TMC4: variants seen among roughly 807,000 people sequenced by gnomAD.
The protein encoded by TMC4 is transmembrane channel like 4.
Under a neutral mutation model 82.0 loss-of-function variants are expected in TMC4, and 70 were observed. That is an observed-to-expected ratio of 0.85 (90% CI 0.70 to 1.04). The LOEUF (loss-of-function observed/expected upper bound fraction) is 1.04. Ranked by LOEUF, TMC4 falls within the 50% of genes least tolerant of loss-of-function variation. The pLI is 0.00. For missense variants in TMC4, 879 were observed against 899.0 expected (o/e 0.98, Z 0.28); for synonymous variants, 446 against 406.0 (o/e 1.10, Z -1.18).
chr19:54,163,313 T>C lies in TMC4; in HGVS notation c.1278-154A>G, dbSNP rs1242372239. ...ATTTCTTTCTTTCTTTCTTTCTTTT[T>C]TTTTTTTTTTTTTTTGAGACAGGGT... On this transcript the variant is annotated intron_variant, in intron 8 of 14. Coordinates refer to ENST00000619895, the MANE Select transcript of TMC4 (RefSeq NM_144686.4). 3,656 of 606,414 alleles carry C rather than the reference T, an allele frequency of 6.0e-3. 4 individuals are homozygous for C. The highest frequency in any genetic ancestry group is 0.012 in the African/African-American group (542 of 46,972). The allele number at this position is 606,414 out of a possible 1,614,324, so 37.6% of individuals were successfully genotyped here.
At chr19:54,162,835 G>A (rs543437925) in intron 9 of TMC4, 65 bp from the exon 10 acceptor site, 1 of 1,530,322 alleles carries the variant, frequency 6.5e-7, no homozygotes, top group East Asian at 2.3e-5. Flanking sequence ...CCACGCGTCC[G>A]AGTCTCCACA....
chr19:54,166,239 C>T (rs948901757), intron 5 of TMC4, among the ~76,000 whole-genome samples: 3 of 144,506 alleles, frequency 2.1e-5, no homozygotes, highest in African/African-American at 7.7e-5. Flanking sequence ...ATTAGCCAGG[C>T]GTGGTGGTGC....
Position 54,171,911 on chromosome 19 carries a change from G to T in TMC4, c.252C>A (p.Ser84=). Residue 84 remains serine, a synonymous_variant, in exon 2 of 15, where the codon TCC becomes TCA. Coordinates refer to ENST00000619895, the MANE Select transcript of TMC4 (RefSeq NM_144686.4). ...TQTELQDPHP[S]RELPWPMQAR... ...CCTGCATGGGCCAGGGCAGTTCCCG[G>T]GAAGGGTGAGGGTCCTGCAGCTCTG... 1 of 1,612,830 alleles carries T rather than the reference G, an allele frequency of 6.2e-7. No individual in the cohort carries two copies. The highest frequency in any genetic ancestry group is 8.5e-7 in the Non-Finnish European group (1 of 1,179,330).
intron 2 of TMC4, among the ~76,000 whole-genome samples, chr19:54,170,962 C>T (rs951461128): frequency 4.6e-5 from 7 of 151,664 alleles, no homozygotes; most frequent in African/African-American, 1.2e-4. Flanking sequence ...TTACTCAGGC[C>T]GCAGTATAGT....
rs1372090666 is a variant in TMC4, at chr19:54,162,718, A to C, written c.1457T>G (p.Leu486Arg). The C allele has an allele frequency of 6.2e-7, 1 of 1,614,164 alleles. No individual in the cohort carries two copies. Among genetic ancestry groups the C allele is most frequent in the African/African-American group, 1.3e-5 (1 of 75,048 alleles). The stretch of plus-strand genomic sequence containing the variant: ...CAGCGCGACTGCCAAGACAGTCAGC[A>C]GATCAAAGAGCAGAAGTTTGTACAT... ...QEMYKLLLFD[L>R]LTVLAVALLI... Residue 486 changes from leucine to arginine, a missense_variant, in exon 10 of 15, where the codon CTG becomes CGG. Coordinates refer to ENST00000619895, the MANE Select transcript of TMC4 (RefSeq NM_144686.4).
In TMC4 at chr19:54,164,491, G is replaced by T. The variant is rs115877425; in HGVS notation, c.1056C>A (p.Leu352=). 5.6e-4 allele frequency: 897 copies of T among 1,613,700 alleles called. 2 individuals carry two copies. In the African/African-American group the frequency reaches 0.011, roughly 20 times the overall value. ...AGACGCCATAGAAGGCTGCCCCCAGGAGCGCGACCACCAGCAGGTTGAGCA... is the reference window on the plus strand; with the variant it reads ...AGACGCCATAGAAGGCTGCCCCCAGTAGCGCGACCACCAGCAGGTTGAGCA... ...RVLLNLLVVA[L]LGAAFYGVYW... Residue 352 remains leucine (L), a synonymous_variant, in exon 7 of 15, where the codon CTC becomes CTA. Coordinates refer to ENST00000619895, the MANE Select transcript of TMC4 (RefSeq NM_144686.4).
At chr19:54,164,787 C>A in intron 6 of TMC4, 186 bp from the exon 7 acceptor site, 1 of 749,708 alleles carries the variant, frequency 1.3e-6, no homozygotes, top group Non-Finnish European at 2.1e-6. Context: ...TACAGCCCCG[C>A]CCCTTCGCGG....
At chr19:54,168,095 G>C in intron 5 of TMC4, 76 bp downstream of exon 5, 1 of 1,470,760 alleles carries the variant, frequency 6.8e-7, no homozygotes, top group African/African-American at 1.4e-5. Flanking sequence ...TCTTGGGGAG[G>C]GGGTTTCTGC....
rs1568750158 is a variant in TMC4, at chr19:54,169,521, T to A, written c.433A>T (p.Arg145Trp). 1 of 1,603,284 alleles carries A rather than the reference T, an allele frequency of 6.2e-7. No homozygotes were observed. Among genetic ancestry groups the A allele is most frequent in the Non-Finnish European group, 8.5e-7 (1 of 1,174,184 alleles). ...CCAAACCCCACCGCACCCCCGATCC[T>A]CTTCAGTGTCCACGCCCAGGGCTGC... ...SLQPWAWTLKRIGGQFGAGTE... is the reference protein window; with the variant it reads ...SLQPWAWTLKWIGGQFGAGTE... Residue 145 changes from arginine to tryptophan, a missense_variant, in exon 3 of 15, where the codon AGG (arginine) becomes TGG (tryptophan). Arg to Trp is a moderately radical substitution (Grantham distance 101). Transcript: ENST00000619895.
chr19:54,167,227 G>T (rs781012837), intron 5 of TMC4, among the ~76,000 whole-genome samples: 1 of 152,042 alleles, frequency 6.6e-6, no homozygotes, highest in Non-Finnish European at 1.5e-5. Context: ...TTGCACCACT[G>T]CACGCTAGCC....
chr19:54,162,828 C>G (rs1459151033), intron 9 of TMC4, 58 bp from the exon 10 acceptor site: 1 of 1,536,434 alleles, frequency 6.5e-7, no homozygotes, highest in Non-Finnish European at 9.0e-7. Flanking sequence ...TGGAGGCCCA[C>G]GCGTCCGAGT....
chr19:54,162,652 A>G (rs1163907165), intron 10 of TMC4, 21 bp downstream of exon 10: 14 of 1,602,218 alleles, frequency 8.7e-6, no homozygotes, highest in Non-Finnish European at 1.2e-5. Flanking sequence ...GCGGGGCCAC[A>G]GCAAGGGGCG....
intron 11 of TMC4, 117 bp downstream of exon 11, chr19:54,161,985 C>A: frequency 1.1e-6 from 1 of 878,938 alleles, no homozygotes; most frequent in Non-Finnish European, 1.7e-6. Flanking sequence ...GTCCTCCAAC[C>A]CCCTCCTCTC....
At position 54,160,881 on chromosome 19, in the gene TMC4, G is replaced by C; in HGVS notation, c.1970C>G (p.Ser657Cys). The part of the protein sequence containing the change: ...QAFAVPLLLI[S>C]SILMAYTVAL... ...CCAGAAGTCTGGGCCGTCTCACCTGGAGATCAGCAGAAGGGGCACAGCAAA... is the reference window on the plus strand; with the variant it reads ...CCAGAAGTCTGGGCCGTCTCACCTGCAGATCAGCAGAAGGGGCACAGCAAA... The change falls in exon 13 of 15, where the codon TCC becomes TGC. Residue 657 changes from serine (S) to cysteine (C), a missense_variant. By Grantham distance (112) the Ser-to-Cys change is moderately radical (BLOSUM62 -1). Coordinates refer to ENST00000619895, the MANE Select transcript of TMC4 (RefSeq NM_144686.4). The C allele has an allele frequency of 6.2e-7, 1 of 1,614,046 alleles. No individual in the cohort carries two copies. Among genetic ancestry groups the C allele is most frequent in the South Asian group, 1.1e-5 (1 of 91,068 alleles).
rs1317346737 is a variant in TMC4 at position 54,169,035 on chromosome 19, TTTTC to T, written c.443-359_443-356del. ...ATTTTTTTTTTTTTCTTTTCTTTTC[TTTTC>T]TTTTTTTTTTTTGAGACGGAGTTTC... is the stretch of plus-strand genomic sequence containing the variant. On this transcript the variant is annotated intron_variant, in intron 3 of 14. Coordinates refer to ENST00000619895, the MANE Select transcript of TMC4 (RefSeq NM_144686.4). 2.2e-4 allele frequency among the ~76,000 whole-genome samples: 11 copies of T among 51,128 alleles called. 4 individuals are homozygous for T. The highest frequency in any genetic ancestry group is 7.3e-4 in the African/African-American group (7 of 9,654). 33.5% of individuals were successfully genotyped at this position (51,128 alleles called of 152,430 possible).
chr19:54,168,160 G>T lies in TMC4; in HGVS notation c.797+11C>A. On this transcript the variant is annotated intron_variant, in intron 5 of 14. Coordinates refer to ENST00000619895, the MANE Select transcript of TMC4 (RefSeq NM_144686.4). ...GTCCCGTCAGGGGTCAGGGGTGCAG[G>T]TGCCACTGACCGATGCAGGATGAGC... The T allele has an allele frequency of 6.3e-7, 1 of 1,599,950 alleles. No individual in the cohort carries two copies. Among genetic ancestry groups the T allele is most frequent in the African/African-American group, 1.3e-5 (1 of 74,880 alleles).
At position 54,160,912 on chromosome 19, in the gene TMC4, G is replaced by C. The variant is rs896974611; in HGVS notation, c.1939C>G (p.Gln647Glu). Residue 647 changes from glutamine to glutamate, a missense_variant, in exon 13 of 15, where the codon CAG becomes GAG. Physicochemically the swap from Gln to Glu is conservative, Grantham distance 29. Coordinates refer to ENST00000619895, the MANE Select transcript of TMC4 (RefSeq NM_144686.4). Reference sequence around the variant, plus strand: ...AGCAGAAGGGGCACAGCAAAAGCCTGGGTCCCCAGGAAGAAGAGGAAATTC... The same window carrying C: ...AGCAGAAGGGGCACAGCAAAAGCCTCGGTCCCCAGGAAGAAGAGGAAATTC... ...TQNFLFFLGT[Q>E]AFAVPLLLIS... 2.5e-6 allele frequency: 4 copies of C among 1,614,148 alleles called. No homozygotes were observed. The highest frequency in any genetic ancestry group is 2.2e-5 in the East Asian group (1 of 44,882).
intron 11 of TMC4, 61 bp downstream of exon 11, chr19:54,162,041 C>G: frequency 6.9e-7 from 1 of 1,458,732 alleles, no homozygotes; most frequent in Non-Finnish European, 9.3e-7. Flanking sequence ...TTGCCCTTGA[C>G]CCAGGAGTGC....
In TMC4 at chr19:54,169,158, C is replaced by G. The variant is rs566166055; in HGVS notation, c.442+354G>C. Among the ~76,000 whole-genome samples the G allele has an allele frequency of 2.0e-5, 3 of 149,124 alleles. No individual in the cohort carries two copies. In the South Asian group the frequency reaches 6.3e-4, roughly 31 times the overall value. On this transcript the variant is annotated intron_variant, in intron 3 of 14. Transcript: ENST00000619895. ...AAGCAATTCTCCTGTCTCAGCCTCA[C>G]GAGTAGCTGGGATTACAGGCGTGCG...
Sources: gnomAD v4.1 joint callset for allele counts (sites outside exome capture counted in the v4.1 genomes callset) on GRCh38, gnomAD v4.1.1 for gene constraint, MANE v1.5 for transcripts, NCBI Gene and HGNC (gene_info 2026-07-23, HGNC 2026-07-21) for gene names.